SOX5: variants seen among roughly 807,000 people sequenced by gnomAD.
SOX5 encodes SRY-box transcription factor 5.
A neutral mutation model predicts 92.0 loss-of-function variants in SOX5; 9 were observed. That is an observed-to-expected ratio of 0.10 (90% CI 0.06 to 0.17). SOX5 has a LOEUF of 0.17. Ranked by LOEUF, SOX5 falls within the 10% of genes least tolerant of loss-of-function variation. SOX5 has a pLI of 1.00. For missense variants in SOX5, 642 were observed against 944.5 expected (o/e 0.68, Z 4.20); for synonymous variants, 344 against 336.3 (o/e 1.02, Z -0.25).
chr12:24,425,838 A>T (rs891926149), intron 1 of SOX5, among the ~76,000 whole-genome samples: 3 of 152,146 alleles, frequency 2.0e-5, no homozygotes, highest in African/African-American at 7.2e-5. Context: ...AGTCAAGATC[A>T]CCAGGCAGAA....
At chr12:23,904,870 A>T (rs957507849) in intron 1 of SOX5, among the ~76,000 whole-genome samples, 8 of 152,156 alleles carry the variant, frequency 5.3e-5, no homozygotes. Flanking sequence ...CTTTGCTAGC[A>T]TCACTACTTT....
chr12:24,341,117 G>A (rs1952526091), intron 2 of SOX5, among the ~76,000 whole-genome samples: 2 of 152,182 alleles, frequency 1.3e-5, no homozygotes, highest in Non-Finnish European at 2.9e-5. Context: ...TTCATAAGAT[G>A]GTTAATCTAC....
chr12:24,262,925 A>T (rs774218889), intron 3 of SOX5, among the ~76,000 whole-genome samples: 15 of 152,168 alleles, frequency 9.9e-5, no homozygotes, highest in Non-Finnish European at 2.2e-4. Context: ...AAAATGTCTT[A>T]TAAGGAAATT....
At chr12:24,385,668 A>G (rs551540960) in intron 1 of SOX5, among the ~76,000 whole-genome samples, 1 of 151,818 alleles carries the variant, frequency 6.6e-6, no homozygotes, top group Non-Finnish European at 1.5e-5. Flanking sequence ...TTTAAGATTT[A>G]TATGGCAGCC....
chr12:24,230,312 T>G (rs1376307745), intron 3 of SOX5, among the ~76,000 whole-genome samples: 1 of 152,018 alleles, frequency 6.6e-6, no homozygotes. Context: ...CTCCTGTTTC[T>G]GAGAACAATG....
upstream of SOX5, among the ~76,000 whole-genome samples, chr12:23,951,280 AAAAT>A (rs1053320200): frequency 1.3e-5 from 2 of 152,074 alleles, no homozygotes; most frequent in Non-Finnish European, 2.9e-5. Context: ...ACTTAAAAAA[AAAAT>A]AAAAGCCAGA....
At chr12:23,926,395 C>T (rs931732338) in intron 1 of SOX5, among the ~76,000 whole-genome samples, 2 of 151,998 alleles carry the variant, frequency 1.3e-5, no homozygotes, top group Non-Finnish European at 2.9e-5. Flanking sequence ...AAGAAATCAT[C>T]TACATGGGGA....
rs370338846 is a variant in SOX5, at chr12:24,515,469, GAAGATGGCTGAAT to G, written c.-251+46847_-251+46859del. ...TTCAAAATCATTGCCAGATGTAACAGAAGATGGCTGAATAAGGAATCAGGCAATTCTACCATAG... is the reference window on the plus strand; with the variant it reads ...TTCAAAATCATTGCCAGATGTAACAGAAGGAATCAGGCAATTCTACCATAG... On this transcript the variant is annotated intron_variant, in intron 1 of 4. Transcript: ENST00000446891. Among the ~76,000 whole-genome samples the G allele has an allele frequency of 1.8e-3, 281 of 152,252 alleles. 1 individual carries two copies. The highest frequency in any genetic ancestry group is 6.5e-3 in the African/African-American group (271 of 41,528).
chr12:24,452,523 T>C (rs1433715828), intron 1 of SOX5, among the ~76,000 whole-genome samples: 1 of 152,114 alleles, frequency 6.6e-6, no homozygotes, highest in Non-Finnish European at 1.5e-5. Flanking sequence ...ATTTCACCCT[T>C]GAGTTTCTAG....
chr12:23,642,797 G>A (rs2080246284), intron 7 of SOX5, among the ~76,000 whole-genome samples: 1 of 147,530 alleles, frequency 6.8e-6, no homozygotes. Context: ...TGTATAAAAG[G>A]TAATTATGGG....
intron 4 of SOX5, among the ~76,000 whole-genome samples, chr12:24,205,570 CAGAG>C (rs2139602995): frequency 6.6e-6 from 1 of 152,252 alleles, no homozygotes; most frequent in African/African-American, 2.4e-5. Context: ...CAAAGAGCAG[CAGAG>C]AGAAATAGGA....
intron 6 of SOX5, among the ~76,000 whole-genome samples, chr12:23,730,574 CTG>C: frequency 6.6e-6 from 1 of 152,272 alleles, no homozygotes; most frequent in East Asian, 1.9e-4. Flanking sequence ...TGGCAGAAGA[CTG>C]TAACCCTACA....
chr12:24,170,582 C>T (rs1030726024), intron 4 of SOX5, among the ~76,000 whole-genome samples: 1 of 152,150 alleles, frequency 6.6e-6, no homozygotes, highest in African/African-American at 2.4e-5. Context: ...CCCGTCGGCC[C>T]ACACATGTAC....
intron 8 of SOX5, among the ~76,000 whole-genome samples, chr12:23,636,345 A>G (rs2079235650): frequency 6.6e-6 from 1 of 152,170 alleles, no homozygotes. Flanking sequence ...ATTTTTTATT[A>G]TATAAGGATC....
intron 8 of SOX5, among the ~76,000 whole-genome samples, chr12:23,617,134 A>C (rs866832266): frequency 6.7e-6 from 1 of 150,214 alleles, no homozygotes; most frequent in Non-Finnish European, 1.5e-5. Flanking sequence ...TCAAGAAAAA[A>C]AAAAAAAAAA....
chr12:23,638,965 T>A (rs1020731744), intron 8 of SOX5, among the ~76,000 whole-genome samples: 1 of 151,958 alleles, frequency 6.6e-6, no homozygotes, highest in African/African-American at 2.4e-5. Context: ...CATGAAAAAA[T>A]TTTGGATTAT....
At chr12:24,370,476 CAAAA>C (rs57192965) in intron 1 of SOX5, among the ~76,000 whole-genome samples, 2 of 79,720 alleles carry the variant, frequency 2.5e-5, no homozygotes, top group East Asian at 4.0e-4. Context: ...GACTCCGTCT[CAAAA>C]AAAAAAAAAA....
chr12:24,470,082 G>T (rs75403608), intron 1 of SOX5, among the ~76,000 whole-genome samples: 2 of 152,150 alleles, frequency 1.3e-5, no homozygotes, highest in Non-Finnish European at 2.9e-5. Context: ...GTAACTGTAC[G>T]TGAATAATCT....
At position 23,543,217 on chromosome 12, in the gene SOX5, T is replaced by G; in HGVS notation, c.1765A>C (p.Ile589Leu). ...TTCTTAATGGTTTTCTTACCCAATA[T>G]CTTGCTGATGTTGGAGTTGTGCATG... is the stretch of plus-strand genomic sequence containing the variant. ...PDMHNSNISK[I>L]LGSRWKAMTN... Residue 589 changes from isoleucine to leucine, a missense_variant, in exon 13 of 15, where the codon ATA becomes CTA. Physicochemically the swap from Ile to Leu is conservative, Grantham distance 5 (BLOSUM62 2). Around this residue, in one of 8 missense-constraint regions of SOX5, gnomAD observed 24 missense variants for 84.4 expected, o/e 0.28. Coordinates refer to ENST00000451604, the MANE Select transcript of SOX5 (RefSeq NM_006940.6). 1 of 1,612,650 alleles carries G rather than the reference T, an allele frequency of 6.2e-7. No homozygotes were observed. The highest frequency in any genetic ancestry group is 1.1e-5 in the South Asian group (1 of 90,956).
Sources: allele counts gnomAD v4.1 joint callset (sites outside exome capture counted in the v4.1 genomes callset), GRCh38; gene constraint gnomAD v4.1.1; regional missense constraint gnomAD v4.1.1; transcripts MANE v1.5; gene names NCBI Gene and HGNC (gene_info 2026-07-23, HGNC 2026-07-21).